Variants in BPIFB4 observed in about 807,000 individuals in gnomAD.
BPIFB4 encodes the protein BPI fold-containing family B member 4.
A neutral mutation model predicts 69.2 loss-of-function variants in BPIFB4; 62 were observed. The observed-to-expected ratio is 0.90, with a 90% CI of 0.73 to 1.11. BPIFB4 has a LOEUF of 1.11. Among genes scored for constraint, BPIFB4 ranks in the 50% least tolerant of loss-of-function variants. BPIFB4 has a pLI of 0.00. For missense variants in BPIFB4, 789 were observed against 792.0 expected, an observed-to-expected ratio of 1.00 and a Z score of 0.04; for synonymous variants, 330 against 332.7, an observed-to-expected ratio of 0.99 and a Z score of 0.09.
intron 13 of BPIFB4, among the ~76,000 whole-genome samples, chr20:33,098,471 A>C (rs1486017739): frequency 6.6e-6 from 1 of 152,168 alleles, no homozygotes; most frequent in Non-Finnish European, 1.5e-5. Flanking sequence ...ATGGCCAGGC[A>C]TGGTGGCTCA....
chr20:33,088,127 C>T (rs565544919), intron 7 of BPIFB4, among the ~76,000 whole-genome samples: 5 of 152,008 alleles, frequency 3.3e-5, no homozygotes, highest in Non-Finnish European at 7.4e-5. Context: ...AATCTGTCTG[C>T]CCATCTATAC....
chr20:33,096,782 G>A (rs1209148979), intron 12 of BPIFB4, among the ~76,000 whole-genome samples: 1 of 152,186 alleles, frequency 6.6e-6, no homozygotes, highest in East Asian at 1.9e-4. Context: ...AATGTGTCCT[G>A]GAGACCTGGG....
intron 14 of BPIFB4, among the ~76,000 whole-genome samples, chr20:33,102,766 C>G (rs1383717040): frequency 1.3e-5 from 2 of 152,196 alleles, no homozygotes; most frequent in African/African-American, 2.4e-5. Flanking sequence ...GAGCCTTCTC[C>G]GTGTGGTGCA....
intron 12 of BPIFB4, 45 bp from the exon 13 acceptor site, chr20:33,097,572 C>A: frequency 1.3e-6 from 2 of 1,584,132 alleles, no homozygotes; most frequent in Non-Finnish European, 8.6e-7. Context: ...CTGGGTACCT[C>A]CTATGCTAAG....
intron 7 of BPIFB4, among the ~76,000 whole-genome samples, chr20:33,088,340 CA>C (rs11167197): frequency 0.93 from 114,840 of 122,880 alleles, 53,536 homozygotes; most frequent in African/African-American, 0.96. Context: ...GACTCTGTCT[CA>C]AAAAAAAAAA....
chr20:33,089,177 G>A, intron 8 of BPIFB4, 148 bp downstream of exon 8: 3 of 1,269,158 alleles, frequency 2.4e-6, no homozygotes, highest in Non-Finnish European at 3.3e-6. Flanking sequence ...GAGGGTCTGG[G>A]GAGGACCCTG....
At chr20:33,083,254 TG>T in intron 4 of BPIFB4, 112 bp from the exon 5 acceptor site, 2 of 610,414 alleles carry the variant, frequency 3.3e-6, no homozygotes, top group Non-Finnish European at 2.2e-6. Flanking sequence ...GTGGCAGTGG[TG>T]GGGGGTTGCT....
At chr20:33,104,514 C>A (rs1981989767) in intron 15 of BPIFB4, among the ~76,000 whole-genome samples, 1 of 152,218 alleles carries the variant, frequency 6.6e-6, no homozygotes, top group African/African-American at 2.4e-5. Context: ...GAAACCTGTG[C>A]TCTGTGCCTC....
intron 11 of BPIFB4, among the ~76,000 whole-genome samples, chr20:33,092,938 A>G (rs1276545947): frequency 1.3e-5 from 2 of 152,254 alleles, no homozygotes; most frequent in African/African-American, 2.4e-5. Flanking sequence ...TTTTAAAAGC[A>G]TAACATATAT....
chr20:33,108,567 G>A (rs547007179), intron 17 of BPIFB4, among the ~76,000 whole-genome samples: 1 of 151,972 alleles, frequency 6.6e-6, no homozygotes, highest in Admixed American at 6.6e-5. Flanking sequence ...AAAGAACGAG[G>A]GCTTGGAGCC....
chr20:33,111,547 G>T lies in BPIFB4; in HGVS notation c.*110G>T. ...AGAGTCCCCTCAGCCTCCATGACAG[G>T]TCCCTCCCTGGCCCCCCAACCCTCT... On this transcript the variant is annotated 3_prime_UTR_variant, in exon 18 of 18. Transcript: ENST00000375483. 1 of 1,370,348 alleles carries T rather than the reference G, an allele frequency of 7.3e-7. No individual in the cohort carries two copies. Among genetic ancestry groups the T allele is most frequent in the Non-Finnish European group, 1.0e-6 (1 of 977,060 alleles). 84.9% of individuals were successfully genotyped at this position (1,370,348 alleles called of 1,614,324 possible). A position where few individuals can be genotyped will look rare whatever the true frequency, so the allele number is the denominator to read the frequency against.
intron 8 of BPIFB4, 32 bp downstream of exon 8, chr20:33,089,061 G>A: frequency 3.1e-6 from 5 of 1,613,586 alleles, no homozygotes; most frequent in Non-Finnish European, 4.2e-6. Context: ...GGAGCAAGGG[G>A]CACAGGCTTC....
intron 7 of BPIFB4, among the ~76,000 whole-genome samples, chr20:33,086,730 C>CA (rs1348185472): frequency 6.6e-6 from 1 of 152,228 alleles, no homozygotes; most frequent in Non-Finnish European, 1.5e-5. Flanking sequence ...CTGCCCAGTT[C>CA]AAACCTGGTG....
chr20:33,100,051 C>T (rs546104180), intron 13 of BPIFB4, among the ~76,000 whole-genome samples: 23 of 152,094 alleles, frequency 1.5e-4, no homozygotes, highest in Non-Finnish European at 3.1e-4. Context: ...CGAGCCACTC[C>T]CCACCCACTC....
chr20:33,096,134 C>T (rs74493131), intron 12 of BPIFB4, among the ~76,000 whole-genome samples: 6 of 152,172 alleles, frequency 3.9e-5, no homozygotes, highest in Non-Finnish European at 8.8e-5. Flanking sequence ...AATTGAACAT[C>T]GGAAGGATCA....
chr20:33,102,706 A>C (rs1981939382), intron 14 of BPIFB4, among the ~76,000 whole-genome samples: 1 of 152,188 alleles, frequency 6.6e-6, no homozygotes, highest in Non-Finnish European at 1.5e-5. Flanking sequence ...TAGAAAGGTA[A>C]AGTACCTTGA....
chr20:33,083,637 T>G lies in BPIFB4; in HGVS notation c.440T>G (p.Leu147Arg). ...GRYRAAPVGR[L>R]HRRELQPGEI... ...TACAGGGCAGCACCTGTGGGCAGGC[T>G]TCACCGGCGAGAGCTGCAGCCTGGA... Residue 147 changes from leucine to arginine, a missense_variant, in exon 5 of 18, where the codon CTT (leucine) becomes CGT (arginine). Leu to Arg is a moderately radical substitution (Grantham distance 102, BLOSUM62 -2). Coordinates refer to ENST00000375483, the MANE Select transcript of BPIFB4 (RefSeq NM_182519.3). The G allele has an allele frequency of 6.2e-7, 1 of 1,614,012 alleles. No homozygotes were observed. Among genetic ancestry groups the G allele is most frequent in the South Asian group, 1.1e-5 (1 of 91,066 alleles).
intron 5 of BPIFB4, among the ~76,000 whole-genome samples, chr20:33,084,116 T>C (rs947281180): frequency 1.3e-5 from 2 of 152,190 alleles, no homozygotes; most frequent in Non-Finnish European, 2.9e-5. Context: ...GGGCCATTGA[T>C]ATCATCTCTC....
Position 33,097,608 on chromosome 20 carries a change from T to A in BPIFB4, c.1399-9T>A. Reference sequence around the variant, plus strand: ...GGCCCTGTCCATCTGGCCTGGTGCCTGCCCACAGGTGTTCCAGCAGTACCC... The same window carrying A: ...GGCCCTGTCCATCTGGCCTGGTGCCAGCCCACAGGTGTTCCAGCAGTACCC... On this transcript the variant is annotated splice_polypyrimidine_tract_variant and intron_variant, in intron 12 of 17. Coordinates refer to ENST00000375483, the MANE Select transcript of BPIFB4 (RefSeq NM_182519.3). 6.2e-7 allele frequency: 1 copy of A among 1,613,072 alleles called. No homozygotes were observed. Among genetic ancestry groups the A allele is most frequent in the Non-Finnish European group, 8.5e-7 (1 of 1,179,438 alleles).
Sources: gnomAD v4.1 joint callset for allele counts (sites outside exome capture counted in the v4.1 genomes callset) on GRCh38, gnomAD v4.1.1 for gene constraint, MANE v1.5 for transcripts, NCBI Gene and HGNC (gene_info 2026-07-23, HGNC 2026-07-21) for gene names.